The following SGCD variants were observed in gnomAD, a reference collection of about 807,000 sequenced individuals.
The protein encoded by SGCD is delta-sarcoglycan.
SGCD carries 18 observed loss-of-function variants against 36.6 expected under a neutral mutation model. That is an observed-to-expected ratio of 0.49 (90% CI 0.34 to 0.73). The LOEUF (loss-of-function observed/expected upper bound fraction) is 0.73, where lower values mean the gene tolerates loss of function less well. Among genes scored for constraint, SGCD ranks in the 30% least tolerant of loss-of-function variants. SGCD has a pLI of 0.01. For synonymous variants in SGCD, 133 were observed against 130.6 expected, an observed-to-expected ratio of 1.02 and a Z score of -0.12; for missense variants, 387 against 346.7, an observed-to-expected ratio of 1.12 and a Z score of -0.92.
intron 1 of SGCD, among the ~76,000 whole-genome samples, chr5:155,916,268 A>T (rs1416216073): frequency 1.3e-5 from 2 of 152,216 alleles, no homozygotes; most frequent in African/African-American, 4.8e-5. Context: ...GTAGCAAAAC[A>T]TAAAAAAACA....
chr5:156,490,864 G>T (rs1755908339), intron 3 of SGCD, among the ~76,000 whole-genome samples: 1 of 152,036 alleles, frequency 6.6e-6, no homozygotes. Context: ...AGCGCATTCA[G>T]TCAGGAGGAA....
At chr5:155,857,862 G>T in the SGCD span, among the ~76,000 whole-genome samples, 1 of 152,178 alleles carries the variant, frequency 6.6e-6, no homozygotes, top group Non-Finnish European at 1.5e-5. Context: ...TATCTTTAGA[G>T]TTTTTAGACA....
At chr5:155,896,518 C>T (rs1449272882) in intron 1 of SGCD, among the ~76,000 whole-genome samples, 4 of 149,838 alleles carry the variant, frequency 2.7e-5, no homozygotes, top group East Asian at 2.0e-4. Context: ...CGATGATGTG[C>T]GCTTATAGTT....
intron 6 of SGCD, among the ~76,000 whole-genome samples, chr5:156,614,035 C>G (rs1286068110): frequency 6.6e-6 from 1 of 152,108 alleles, no homozygotes; most frequent in African/African-American, 2.4e-5. Context: ...CAACCTTTGC[C>G]TCCCAGATTC....
At chr5:156,016,135 C>T (rs1290618356) in intron 1 of SGCD, among the ~76,000 whole-genome samples, 11 of 152,002 alleles carry the variant, frequency 7.2e-5, no homozygotes, top group Non-Finnish European at 4.4e-5. Context: ...CTCAATTCTG[C>T]AATACACATG....
At chr5:155,950,666 C>T (rs1475091382) in intron 1 of SGCD, among the ~76,000 whole-genome samples, 3 of 152,294 alleles carry the variant, frequency 2.0e-5, no homozygotes, top group Admixed American at 1.3e-4. Context: ...TCCCCAAAGA[C>T]TTCCAGGCCC....
intron 3 of SGCD, among the ~76,000 whole-genome samples, chr5:156,225,500 G>A (rs1357268103): frequency 1.3e-5 from 2 of 152,076 alleles, no homozygotes; most frequent in African/African-American, 4.8e-5. Flanking sequence ...AAGTTAAAGT[G>A]AAAGAATACA....
At chr5:156,464,562 T>A (rs1754641948) in intron 3 of SGCD, among the ~76,000 whole-genome samples, 1 of 152,114 alleles carries the variant, frequency 6.6e-6, no homozygotes, top group Non-Finnish European at 1.5e-5. Context: ...GAGAACATCT[T>A]CAGAACAGAC....
In SGCD at chr5:156,012,013, G is replaced by A. The variant is rs1183029023; in HGVS notation, c.-281-105865G>A. Among the ~76,000 whole-genome samples, 4 of 152,152 alleles carry A rather than the reference G, an allele frequency of 2.6e-5. No individual in the cohort carries two copies. The East Asian group carries it at 7.7e-4, about 29-fold the overall frequency. The stretch of plus-strand genomic sequence containing the variant: ...AAAATATATCTAAAACCTTACTAGA[G>A]GTTAAGTACTACATTAGGAATTTAA... On this transcript the variant is annotated intron_variant, in intron 1 of 9. Coordinates refer to the SGCD transcript ENST00000517913.
intron 4 of SGCD, among the ~76,000 whole-genome samples, chr5:156,540,244 T>C (rs1758297939): frequency 6.6e-6 from 1 of 152,154 alleles, no homozygotes; most frequent in Non-Finnish European, 1.5e-5. Flanking sequence ...TGTAAAGCAC[T>C]TTCTATGGTT....
intron 1 of SGCD, among the ~76,000 whole-genome samples, chr5:156,057,487 G>A (rs1192230078): frequency 6.8e-6 from 1 of 146,568 alleles, no homozygotes; most frequent in Admixed American, 6.8e-5. Context: ...ATATCAGTTT[G>A]AATGAGGATG....
chr5:156,588,687 T>C (rs1476096547), intron 4 of SGCD, among the ~76,000 whole-genome samples: 1 of 152,194 alleles, frequency 6.6e-6, no homozygotes, highest in Non-Finnish European at 1.5e-5. Context: ...AGAAGCATAC[T>C]TGGGGACATC....
chr5:156,714,265 A>G (rs1271001782), intron 7 of SGCD, among the ~76,000 whole-genome samples: 1 of 152,206 alleles, frequency 6.6e-6, no homozygotes, highest in Non-Finnish European at 1.5e-5. Context: ...GTAAACAAGC[A>G]TCTTTCTTCA....
At chr5:156,432,653 G>T (rs1424753465) in intron 3 of SGCD, among the ~76,000 whole-genome samples, 2 of 152,142 alleles carry the variant, frequency 1.3e-5, no homozygotes. Context: ...CCACTGTGGG[G>T]GATAGGGGTG....
At chr5:155,791,048 A>G in the SGCD span, among the ~76,000 whole-genome samples, 1 of 152,174 alleles carries the variant, frequency 6.6e-6, no homozygotes, top group South Asian at 2.1e-4. Flanking sequence ...ATGGATAATC[A>G]TTTTTAAAAT....
chr5:156,707,237 C>T (rs1658809892), intron 7 of SGCD, among the ~76,000 whole-genome samples: 1 of 152,008 alleles, frequency 6.6e-6, no homozygotes, highest in African/African-American at 2.4e-5. Context: ...GTCTGTATAC[C>T]AGGGTGGCAT....
chr5:155,765,799 C>T, the SGCD span, among the ~76,000 whole-genome samples: 2 of 152,134 alleles, frequency 1.3e-5, no homozygotes, highest in African/African-American at 4.8e-5. Flanking sequence ...AGCTCCTCCC[C>T]ACCACCATCA....
the SGCD span, among the ~76,000 whole-genome samples, chr5:155,810,409 G>T: frequency 6.6e-6 from 1 of 151,902 alleles, no homozygotes; most frequent in Non-Finnish European, 1.5e-5. Context: ...TGCCCTAGAA[G>T]GCTGTGTATG....
chr5:156,118,295 C>A (rs186778906), intron 2 of SGCD, among the ~76,000 whole-genome samples: 22 of 152,164 alleles, frequency 1.4e-4, no homozygotes, highest in African/African-American at 5.3e-4. Context: ...ATGTGTGAAT[C>A]CTAGAAAGAG....
Sources: gnomAD v4.1 joint callset for allele counts (sites outside exome capture counted in the v4.1 genomes callset) on GRCh38, gnomAD v4.1.1 for gene constraint, MANE v1.5 for transcripts, NCBI Gene and HGNC (gene_info 2026-07-23, HGNC 2026-07-21) for gene names.